Variants in SIRPB2 observed in about 807,000 individuals in gnomAD.
SIRPB2 encodes the protein signal-regulatory protein beta-2.
A neutral mutation model predicts 27.1 loss-of-function variants in SIRPB2; 18 were observed. That is an observed-to-expected ratio of 0.66 (90% confidence interval 0.46 to 0.98). SIRPB2 has a LOEUF of 0.98. Ranked by LOEUF, SIRPB2 falls within the 50% of genes least tolerant of loss-of-function variation. SIRPB2 has a pLI of 0.00. For missense variants in SIRPB2, 420 were observed against 417.4 expected (o/e 1.01, Z -0.06); for synonymous variants, 150 against 164.6 (o/e 0.91, Z 0.68).
In SIRPB2 at chr20:1,478,474, C is replaced by T. The variant is rs1395702446; in HGVS notation, c.585G>A (p.Gln195=). ...TGGCCTCCCGGCTCAGACCAGCTCCCTGGAACCACCTGATGGGTCCAGGGG... is the reference window on the plus strand; with the variant it reads ...TGGCCTCCCGGCTCAGACCAGCTCCTTGGAACCACCTGATGGGTCCAGGGG... ...DGPPGPIRWF[Q]GAGLSREAIY... Residue 195 remains glutamine, a synonymous_variant, in exon 3 of 5, where the codon CAG becomes CAA. Coordinates refer to ENST00000359801, the MANE Select transcript of SIRPB2 (RefSeq NM_001122962.2). 1 of 1,614,066 alleles carries T rather than the reference C, an allele frequency of 6.2e-7. No individual in the cohort carries two copies. The highest frequency in any genetic ancestry group is 8.5e-7 in the Non-Finnish European group (1 of 1,180,040).
chr20:1,473,452 C>T (rs1024669474), downstream of SIRPB2, among the ~76,000 whole-genome samples: 2 of 151,976 alleles, frequency 1.3e-5, no homozygotes, highest in Non-Finnish European at 2.9e-5. Context: ...GCACACACAC[C>T]CACATAGGTG....
At chr20:1,486,041 T>C (rs1350717008) in intron 1 of SIRPB2, among the ~76,000 whole-genome samples, 4 of 151,296 alleles carry the variant, frequency 2.6e-5, no homozygotes, top group Non-Finnish European at 5.9e-5. Flanking sequence ...GTTTCATTTG[T>C]GAATTTTCCA....
chr20:1,490,416 C>T (rs569921711), intron 1 of SIRPB2, among the ~76,000 whole-genome samples: 173 of 152,268 alleles, frequency 1.1e-3, no homozygotes, highest in Non-Finnish European at 1.7e-3. Flanking sequence ...AATGAGCCCA[C>T]TGAGAGCCAA....
intron 1 of SIRPB2, among the ~76,000 whole-genome samples, chr20:1,482,496 C>CTCCT (rs773814993): frequency 6.7e-6 from 1 of 149,564 alleles, no homozygotes; most frequent in Admixed American, 6.6e-5. Context: ...GTCTGGCTCA[C>CTCCT]TCCTTCCTTC....
At chr20:1,477,519 C>T (rs954720099) in intron 3 of SIRPB2, 116 bp from the exon 4 acceptor site, 1 of 1,497,610 alleles carries the variant, frequency 6.7e-7, no homozygotes, top group Non-Finnish European at 8.9e-7. Context: ...TGGGTATGGG[C>T]TAGAAGTCAA....
intron 1 of SIRPB2, among the ~76,000 whole-genome samples, chr20:1,489,474 A>T (rs1053778576): frequency 6.6e-6 from 1 of 152,206 alleles, no homozygotes; most frequent in East Asian, 1.9e-4. Flanking sequence ...GTCTTATCTC[A>T]GCTAGGGGTG....
At chr20:1,488,042 T>C (rs1168140800) in intron 1 of SIRPB2, among the ~76,000 whole-genome samples, 1 of 152,214 alleles carries the variant, frequency 6.6e-6, no homozygotes, top group African/African-American at 2.4e-5. Flanking sequence ...CAAAGATTTC[T>C]TAGATGTAAC....
In SIRPB2 at chr20:1,475,943, G is replaced by C. The variant is rs1157189722; in HGVS notation, c.*224C>G. ...GAGAGACTGAGCCAGGGACTGAAAA[G>C]CAAGGAGGTCTTGAACAGGCCAAAA... On this transcript the variant is annotated 3_prime_UTR_variant, in exon 5 of 5. Coordinates refer to ENST00000359801, the MANE Select transcript of SIRPB2 (RefSeq NM_001122962.2). The C allele has an allele frequency of 7.9e-6, 4 of 503,748 alleles. No homozygotes were observed. Among genetic ancestry groups the C allele is most frequent in the Non-Finnish European group, 1.4e-5 (4 of 286,060 alleles). 31.2% of individuals were successfully genotyped at this position (503,748 alleles called of 1,614,324 possible). A position where few individuals can be genotyped will look rare whatever the true frequency, so the allele number is the denominator to read the frequency against.
chr20:1,488,792 T>G (rs888466955), intron 1 of SIRPB2, among the ~76,000 whole-genome samples: 1 of 152,078 alleles, frequency 6.6e-6, no homozygotes, highest in African/African-American at 2.4e-5. Flanking sequence ...ATGGTACAAC[T>G]CCTTTGAAAA....
chr20:1,482,652 C>T (rs1220904793), intron 1 of SIRPB2, among the ~76,000 whole-genome samples: 1 of 145,574 alleles, frequency 6.9e-6, no homozygotes, highest in Non-Finnish European at 1.5e-5. Context: ...ACTGCAACCT[C>T]CGCCTCCCAG....
chr20:1,488,782 A>G (rs1225693630), intron 1 of SIRPB2, among the ~76,000 whole-genome samples: 1 of 152,152 alleles, frequency 6.6e-6, no homozygotes, highest in African/African-American at 2.4e-5. Flanking sequence ...AGAATGTAAA[A>G]TGGTACAACT....
Position 1,479,954 on chromosome 20 carries a change from C to T in SIRPB2, c.197G>A (p.Cys66Tyr), listed in dbSNP as rs1412691941. 19 of 1,614,190 alleles carry T rather than the reference C, an allele frequency of 1.2e-5. No individual in the cohort carries two copies. The highest frequency in any genetic ancestry group is 1.6e-5 in the Non-Finnish European group (19 of 1,180,048). ...LLLRCMVVGS[C>Y]TDGMIKWVKV... ...CACCCATTTTATCATACCATCAGTGCAGGAGCCGACCACCATACACCTCAG... is the reference window on the plus strand; with the variant it reads ...CACCCATTTTATCATACCATCAGTGTAGGAGCCGACCACCATACACCTCAG... Residue 66 changes from cysteine (C) to tyrosine (Y), a missense_variant, in exon 2 of 5, where the codon TGC becomes TAC. Coordinates refer to ENST00000359801, the MANE Select transcript of SIRPB2 (RefSeq NM_001122962.2).
chr20:1,483,397 G>A (rs1407881711), intron 1 of SIRPB2, among the ~76,000 whole-genome samples: 1 of 152,122 alleles, frequency 6.6e-6, no homozygotes, highest in Non-Finnish European at 1.5e-5. Context: ...ACGAGCCACA[G>A]CACCTGGCCT....
In SIRPB2 at chr20:1,490,972, C is replaced by G. The variant is rs1009098819; in HGVS notation, c.85+303G>C. On this transcript the variant is annotated intron_variant, in intron 1 of 4. Transcript: ENST00000359801. ...TAGCCCTAGAGAAAGGTCCCATGAG[C>G]GTCCCTGTTTTGTAGAAGAGGCTCC... Among the ~76,000 whole-genome samples the G allele has an allele frequency of 2.0e-5, 3 of 152,176 alleles. No homozygotes were observed. In the South Asian group the frequency reaches 6.2e-4, roughly 32 times the overall value.
rs377292636 is a variant in SIRPB2 at position 1,477,331 on chromosome 20, C to T, written c.859+7G>A. ...CTCATTGACTCCACTGAGGTGGGTA[C>T]GCTCACCTGTTGGAGACATCTCAGT... On this transcript the variant is annotated splice_region_variant and intron_variant, in intron 4 of 4. Transcript: ENST00000359801. 201 of 1,614,180 alleles carry T rather than the reference C, an allele frequency of 1.2e-4. No homozygotes were observed. The highest frequency in any genetic ancestry group is 3.3e-4 in the Middle Eastern group (2 of 6,060).
At chr20:1,474,063 G>A (rs2090590704), downstream of SIRPB2, among the ~76,000 whole-genome samples, 1 of 151,994 alleles carries the variant, frequency 6.6e-6, no homozygotes, top group African/African-American at 2.4e-5. Flanking sequence ...CTGCCTCTGT[G>A]GTCACATTGC....
At position 1,476,653 on chromosome 20, in the gene SIRPB2, C is replaced by T. The variant is rs1023898181; in HGVS notation, c.860-317G>A. ...GATCCAATTTTTATAGATAAGGAGA[C>T]AGACCCAGAGTGGGGAAATGATTTT... is the stretch of plus-strand genomic sequence containing the variant. On this transcript the variant is annotated intron_variant, in intron 4 of 4. Coordinates refer to ENST00000359801, the MANE Select transcript of SIRPB2 (RefSeq NM_001122962.2). 3 of 905,094 alleles carry T rather than the reference C, an allele frequency of 3.3e-6. No individual in the cohort carries two copies. The African/African-American group carries it at 5.4e-5, about 16-fold the overall frequency. 56.1% of individuals were successfully genotyped at this position (905,094 alleles called of 1,614,324 possible).
downstream of SIRPB2, among the ~76,000 whole-genome samples, chr20:1,471,773 T>C (rs948929307): frequency 1.3e-5 from 2 of 152,180 alleles, no homozygotes; most frequent in African/African-American, 4.8e-5. Flanking sequence ...GAAGCCCCTG[T>C]CAAATGGTGT....
Position 1,491,164 on chromosome 20 carries a change from TTACTC to T in SIRPB2, c.85+106_85+110del, listed in dbSNP as rs368229382. On this transcript the variant is annotated intron_variant, in intron 1 of 4. Coordinates refer to ENST00000359801, the MANE Select transcript of SIRPB2 (RefSeq NM_001122962.2). ...AGGCAAATTTTCAGTGGACCCCTCTTTACTCTATCTTCATGGGGTCAAGCTTCTTC... is the reference window on the plus strand; with the variant it reads ...AGGCAAATTTTCAGTGGACCCCTCTTTATCTTCATGGGGTCAAGCTTCTTC... 285 of 969,268 alleles carry T rather than the reference TTACTC, an allele frequency of 2.9e-4. 1 individual carries two copies. The African/African-American group carries it at 3.8e-3, about 13-fold the overall frequency. 60.0% of individuals were successfully genotyped at this position (969,268 alleles called of 1,614,324 possible).
Sources: allele counts gnomAD v4.1 joint callset (sites outside exome capture counted in the v4.1 genomes callset), GRCh38; gene constraint gnomAD v4.1.1; transcripts MANE v1.5; gene names NCBI Gene and HGNC (gene_info 2026-07-23, HGNC 2026-07-21).